The following STARD13 variants were observed in gnomAD, a reference collection of about 807,000 sequenced individuals.
The protein encoded by STARD13 is stAR-related lipid transfer protein 13.
Under a neutral mutation model 106.4 loss-of-function variants are expected in STARD13, and 62 were observed. The ratio of observed to expected loss-of-function variants is 0.58; its 90% CI spans 0.48 to 0.72. STARD13 has a LOEUF of 0.72. STARD13 is among the 30% of genes least tolerant of loss of function. The pLI, the probability that STARD13 is intolerant of heterozygous loss-of-function variation, is 0.00. For synonymous variants in STARD13, 565 were observed against 553.0 expected (o/e 1.02, Z -0.31); for missense variants, 1,387 against 1,424.0 (o/e 0.97, Z 0.42).
At chr13:33,240,200 G>A (rs946549858) in intron 1 of STARD13, among the ~76,000 whole-genome samples, 3 of 152,078 alleles carry the variant, frequency 2.0e-5, no homozygotes, top group Admixed American at 6.5e-5. Context: ...CCGTATACAC[G>A]AGGATTTGTT....
chr13:33,139,676 T>C (rs531424544), intron 4 of STARD13, among the ~76,000 whole-genome samples: 1 of 152,342 alleles, frequency 6.6e-6, no homozygotes, highest in East Asian at 1.9e-4. Context: ...GGCTGGAGCT[T>C]TTCACGGGGT....
the STARD13 span, among the ~76,000 whole-genome samples, chr13:33,458,815 C>CTTTTTTT: frequency 9.7e-5 from 11 of 113,516 alleles, no homozygotes; most frequent in Non-Finnish European, 1.6e-4. Context: ...AACATGTTTA[C>CTTTTTTT]TTTTTTTTTT....
chr13:33,591,548 A>T, the STARD13 span, among the ~76,000 whole-genome samples: 1 of 152,220 alleles, frequency 6.6e-6, no homozygotes, highest in African/African-American at 2.4e-5. Context: ...AGGGAGAGGC[A>T]TTTTATTTCT....
the STARD13 span, among the ~76,000 whole-genome samples, chr13:33,622,453 C>A: frequency 6.6e-6 from 1 of 151,814 alleles, no homozygotes; most frequent in African/African-American, 2.4e-5. Context: ...GCCTGGCCAA[C>A]ATGTCGAAGC....
chr13:33,514,992 C>A, the STARD13 span, among the ~76,000 whole-genome samples: 3 of 152,058 alleles, frequency 2.0e-5, no homozygotes, highest in African/African-American at 7.2e-5. Context: ...ATTACCGCTT[C>A]CAGGTTATGT....
intron 3 of STARD13, among the ~76,000 whole-genome samples, chr13:33,162,606 TA>T (rs1190846067): frequency 1.3e-5 from 2 of 152,178 alleles, no homozygotes; most frequent in Non-Finnish European, 2.9e-5. Context: ...CCAGATACCC[TA>T]AATCATCCTT....
At chr13:33,407,220 G>T in the STARD13 span, among the ~76,000 whole-genome samples, 9 of 152,308 alleles carry the variant, frequency 5.9e-5, no homozygotes, top group South Asian at 1.9e-3. Flanking sequence ...ATGGGCAGCG[G>T]GGTGGTCTCT....
chr13:33,318,344 T>C (rs957532796), intron 1 of STARD13, among the ~76,000 whole-genome samples: 7 of 152,164 alleles, frequency 4.6e-5, no homozygotes, highest in African/African-American at 1.7e-4. Context: ...AGAACAGTCT[T>C]TTCAGCAAAC....
At chr13:33,510,005 C>T in the STARD13 span, among the ~76,000 whole-genome samples, 1 of 152,154 alleles carries the variant, frequency 6.6e-6, no homozygotes, top group Non-Finnish European at 1.5e-5. Context: ...TCAGAGAGTC[C>T]TTGCTCTCTT....
the STARD13 span, among the ~76,000 whole-genome samples, chr13:33,364,487 T>C: frequency 6.6e-6 from 1 of 152,218 alleles, no homozygotes; most frequent in Non-Finnish European, 1.5e-5. Context: ...GTTTGTTGTG[T>C]GTCTGAATGG....
the STARD13 span, among the ~76,000 whole-genome samples, chr13:33,434,415 C>T: frequency 2.0e-5 from 3 of 150,196 alleles, no homozygotes; most frequent in Non-Finnish European, 3.0e-5. Context: ...GATTTAAGTT[C>T]CAACTTATAC....
intron 1 of STARD13, among the ~76,000 whole-genome samples, chr13:33,201,457 C>T (rs1302617199): frequency 6.6e-6 from 1 of 152,170 alleles, no homozygotes; most frequent in Non-Finnish European, 1.5e-5. Context: ...GCCAGTTATT[C>T]CATGTAAAAA....
At chr13:33,163,941 T>C (rs931813322) in intron 3 of STARD13, among the ~76,000 whole-genome samples, 1 of 151,986 alleles carries the variant, frequency 6.6e-6, no homozygotes, top group Non-Finnish European at 1.5e-5. Flanking sequence ...TGAATGCTTA[T>C]GAGGAGGAAT....
chr13:33,630,849 G>A, the STARD13 span, among the ~76,000 whole-genome samples: 2 of 152,136 alleles, frequency 1.3e-5, no homozygotes, highest in African/African-American at 4.8e-5. Flanking sequence ...TGTGGTAGAT[G>A]CAAGAAAGAC....
intron 3 of STARD13, among the ~76,000 whole-genome samples, chr13:33,157,053 A>G (rs1423182670): frequency 1.3e-5 from 2 of 152,324 alleles, no homozygotes; most frequent in South Asian, 2.1e-4. Context: ...ATCAATATTC[A>G]TAAAGACTTT....
intron 1 of STARD13, among the ~76,000 whole-genome samples, chr13:33,219,017 C>T (rs753446153): frequency 3.9e-5 from 6 of 152,092 alleles, no homozygotes; most frequent in East Asian, 1.9e-4. Flanking sequence ...ATCTACAGGG[C>T]GTCTTCCCTT....
At chr13:33,475,429 C>T in the STARD13 span, among the ~76,000 whole-genome samples, 10 of 152,184 alleles carry the variant, frequency 6.6e-5, no homozygotes, top group Non-Finnish European at 1.2e-4. Flanking sequence ...TTGTGTCCTA[C>T]GCATTTCCAA....
chr13:33,124,389 C>G (rs943469068), intron 7 of STARD13, among the ~76,000 whole-genome samples: 1 of 152,204 alleles, frequency 6.6e-6, no homozygotes, highest in African/African-American at 2.4e-5. Flanking sequence ...ATGCGTGGCT[C>G]TATTCATTTT....
At chr13:33,325,488 AC>A (rs1286454106) in intron 1 of STARD13, among the ~76,000 whole-genome samples, 2 of 152,024 alleles carry the variant, frequency 1.3e-5, no homozygotes, top group Non-Finnish European at 2.9e-5. Flanking sequence ...TCTTCACAAA[AC>A]CTTTTTATCT....
Sources: gnomAD v4.1 joint callset for allele counts (sites outside exome capture counted in the v4.1 genomes callset) on GRCh38, gnomAD v4.1.1 for gene constraint, MANE v1.5 for transcripts, NCBI Gene and HGNC (gene_info 2026-07-23, HGNC 2026-07-21) for gene names.